Variants in FAM184A observed in about 807,000 individuals in gnomAD.
FAM184A encodes the protein family with sequence similarity 184 member A.
In FAM184A, 99 loss-of-function variants were observed where a neutral mutation model predicts 143.8. The observed-to-expected ratio is 0.69, with a 90% CI of 0.58 to 0.81. The LOEUF is 0.81. FAM184A is among the 40% of genes least tolerant of loss of function. The pLI is 0.00. For missense variants in FAM184A, 1,217 were observed against 1,310.5 expected (o/e 0.93, Z 1.10); for synonymous variants, 427 against 446.4 (o/e 0.96, Z 0.55).
intron 1 of FAM184A, chr6:119,058,003 C>T (rs1159411742): frequency 6.6e-6 from 1 of 150,388 alleles, no homozygotes; most frequent in East Asian, 1.9e-4. Flanking sequence ...TTGTGGCTAA[C>T]CACTGAAAGA....
At chr6:119,079,518 A>G (rs1787999115), upstream of FAM184A, among the ~76,000 whole-genome samples, 1 of 152,196 alleles carries the variant, frequency 6.6e-6, no homozygotes, top group Non-Finnish European at 1.5e-5. Context: ...TTCTCTTAAC[A>G]TCTCTACCCC....
chr6:119,023,153 G>A (rs1420599977), intron 2 of FAM184A, 73 bp from the exon 3 acceptor site: 2 of 1,516,618 alleles, frequency 1.3e-6, no homozygotes, highest in Admixed American at 3.6e-5. Flanking sequence ...TAAATTATAA[G>A]GGTCAGCTTT....
intron 4 of FAM184A, among the ~76,000 whole-genome samples, chr6:119,018,098 C>A (rs1355874007): frequency 6.6e-6 from 1 of 152,136 alleles, no homozygotes; most frequent in Non-Finnish European, 1.5e-5. Flanking sequence ...TCCCTTACAG[C>A]AATGCAAAAT....
At chr6:118,977,788 T>C (rs1041023417) in intron 11 of FAM184A, among the ~76,000 whole-genome samples, 1 of 152,138 alleles carries the variant, frequency 6.6e-6, no homozygotes, top group African/African-American at 2.4e-5. Context: ...ATCTTCGTCA[T>C]TGTACTGGTT....
intron 9 of FAM184A, among the ~76,000 whole-genome samples, chr6:118,989,128 A>AT (rs1197330081): frequency 1.3e-5 from 2 of 151,660 alleles, no homozygotes; most frequent in Non-Finnish European, 2.9e-5. Context: ...CGCCCGGCTA[A>AT]TTTTTTGTAT....
At chr6:119,041,530 A>T (rs146115238) in intron 1 of FAM184A, among the ~76,000 whole-genome samples, 18 of 152,300 alleles carry the variant, frequency 1.2e-4, no homozygotes, top group African/African-American at 4.3e-4. Flanking sequence ...CAGACATTCC[A>T]GCTGGCAACC....
chr6:119,071,488 T>C (rs940889358), intron 1 of FAM184A, among the ~76,000 whole-genome samples: 3 of 152,170 alleles, frequency 2.0e-5, no homozygotes, highest in African/African-American at 7.2e-5. Context: ...TAAACCTCTG[T>C]TACAAAGTGA....
chr6:118,962,445 G>A (rs1783362873), intron 16 of FAM184A: 1 of 155,020 alleles, frequency 6.5e-6, no homozygotes, highest in African/African-American at 2.4e-5. Flanking sequence ...AAAAAAAAAG[G>A]AATGAGAAAA....
upstream of FAM184A, among the ~76,000 whole-genome samples, chr6:119,081,626 C>G (rs927005547): frequency 3.3e-5 from 5 of 152,128 alleles, no homozygotes; most frequent in African/African-American, 1.2e-4. Flanking sequence ...TTGGATCACA[C>G]GTGGGCTTGG....
chr6:119,034,868 C>T (rs1053420288), intron 1 of FAM184A, among the ~76,000 whole-genome samples: 3 of 151,986 alleles, frequency 2.0e-5, no homozygotes, highest in Admixed American at 6.6e-5. Context: ...CTGTAATGTC[C>T]GACTCAGTAT....
At chr6:119,023,832 A>G in intron 2 of FAM184A, 127 bp downstream of exon 2, 1 of 661,052 alleles carries the variant, frequency 1.5e-6, no homozygotes, top group Non-Finnish European at 2.3e-6. Context: ...TAAAAAAAAA[A>G]AAAAAAAAAA....
chr6:119,105,764 A>G (rs770560832), intron 1 of FAM184A, among the ~76,000 whole-genome samples: 2 of 152,214 alleles, frequency 1.3e-5, no homozygotes, highest in Non-Finnish European at 2.9e-5. Flanking sequence ...TCTAATACAA[A>G]GCTGGTCTTG....
In FAM184A at chr6:119,062,763, A is replaced by T. The variant is rs1455951455; in HGVS notation, c.159+15378T>A. ...AAACAAAAGGACTCAGAATGCTCTGAGTTGGTCAGTTTCACTCAGATAAAG... is the reference window on the plus strand; with the variant it reads ...AAACAAAAGGACTCAGAATGCTCTGTGTTGGTCAGTTTCACTCAGATAAAG... On this transcript the variant is annotated intron_variant, in intron 1 of 17. Transcript: ENST00000338891. Among the ~76,000 whole-genome samples, 4 of 152,214 alleles carry T rather than the reference A, an allele frequency of 2.6e-5. No homozygotes were observed. In the East Asian group the frequency reaches 5.8e-4, roughly 22 times the overall value.
intron 3 of FAM184A, among the ~76,000 whole-genome samples, chr6:119,020,844 T>C (rs1785421173): frequency 6.6e-6 from 1 of 151,860 alleles, no homozygotes; most frequent in South Asian, 2.1e-4. Context: ...CGAGACCTCA[T>C]CTCCAAATAA....
chr6:119,050,854 G>A (rs1052552368), intron 1 of FAM184A, among the ~76,000 whole-genome samples: 3 of 151,972 alleles, frequency 2.0e-5, no homozygotes, highest in Admixed American at 1.3e-4. Flanking sequence ...CAAGAATATG[G>A]ATAGAGCTGG....
At chr6:118,971,304 A>AAATTAGT (rs1783689130) in intron 14 of FAM184A, among the ~76,000 whole-genome samples, 1 of 152,226 alleles carries the variant, frequency 6.6e-6, no homozygotes, top group African/African-American at 2.4e-5. Context: ...CTTAAACAAA[A>AAATTAGT]AATTAGTAAT....
rs765482882 is a variant in FAM184A at position 119,024,417 on chromosome 6, C to A, written c.556G>T (p.Ala186Ser). 1.9e-6 allele frequency: 3 copies of A among 1,614,150 alleles called. No individual in the cohort carries two copies. The highest frequency in any genetic ancestry group is 2.5e-6 in the Non-Finnish European group (3 of 1,180,036). Residue 186 changes from alanine (A) to serine (S), a missense_variant, in exon 2 of 18, where the codon GCA (alanine) becomes TCA (serine). Ala to Ser is a moderately conservative substitution (Grantham distance 99, BLOSUM62 1). Coordinates refer to ENST00000338891, the MANE Select transcript of FAM184A (RefSeq NM_024581.6). ...TGAGCAGCTTGCAAGTCTTCCAATG[C>A]CAATCGTTTGTCTTTTTCAAACTGT... ...QVQFEKDKRL[A>S]LEDLQAAHRR... is the part of the protein sequence containing the mutation.
In FAM184A at chr6:119,055,517, T is replaced by C. The variant is rs143509190; in HGVS notation, c.159+22624A>G. On this transcript the variant is annotated intron_variant, in intron 1 of 17. Coordinates refer to ENST00000338891, the MANE Select transcript of FAM184A (RefSeq NM_024581.6). ...ATTTTATAAACCCACCAACAATGTA[T>C]AGGGGTTTTAATTTCTCCACATCCG... Among the ~76,000 whole-genome samples the C allele has an allele frequency of 5.4e-3, 823 of 152,306 alleles. 1 individual carries two copies. Among genetic ancestry groups the C allele is most frequent in the Non-Finnish European group, 8.0e-3 (546 of 68,024 alleles).
chr6:118,984,912 C>T (rs1259357251), intron 9 of FAM184A, among the ~76,000 whole-genome samples: 1 of 152,130 alleles, frequency 6.6e-6, no homozygotes, highest in African/African-American at 2.4e-5. Flanking sequence ...ATTTTTATTC[C>T]TATTTATCAA....
Sources: allele counts gnomAD v4.1 joint callset (sites outside exome capture counted in the v4.1 genomes callset), GRCh38; gene constraint gnomAD v4.1.1; transcripts MANE v1.5; gene names NCBI Gene and HGNC (gene_info 2026-07-23, HGNC 2026-07-21).